OSMR: variants seen among roughly 807,000 people sequenced by gnomAD.
OSMR encodes oncostatin-M-specific receptor subunit beta.
Under a neutral mutation model 99.9 loss-of-function variants are expected in OSMR, and 81 were observed. The ratio of observed to expected loss-of-function variants is 0.81; its 90% CI spans 0.68 to 0.97. The LOEUF is 0.97. Among genes scored for constraint, OSMR ranks in the 50% least tolerant of loss-of-function variants. The pLI, the probability that OSMR is intolerant of heterozygous loss-of-function variation, is 0.00. For missense variants in OSMR, 1,099 were observed against 1,153.4 expected (o/e 0.95, Z 0.68); for synonymous variants, 406 against 410.4 (o/e 0.99, Z 0.13).
At position 38,944,945 on chromosome 5, in the gene OSMR, G is replaced by A. The variant is rs746454256; in HGVS notation, c.*87-1G>A. On this transcript the variant is annotated splice_acceptor_variant and NMD_transcript_variant, in intron 2 of 2. Transcript: ENST00000508882. Reference sequence around the variant, plus strand: ...CAATTCTGTGCTTTTGGTGCTGCTAGCTGAGCCTTCTTGAGACACCCCATC... The same window carrying A: ...CAATTCTGTGCTTTTGGTGCTGCTAACTGAGCCTTCTTGAGACACCCCATC... 8 of 1,613,870 alleles carry A rather than the reference G, an allele frequency of 5.0e-6. No homozygotes were observed. In the South Asian group the frequency reaches 8.8e-5, roughly 18 times the overall value.
In OSMR at chr5:38,879,813, G is replaced by A. The variant is rs143179491; in HGVS notation, c.247-1780G>A. Among the ~76,000 whole-genome samples the A allele has an allele frequency of 8.6e-3, 1,308 of 152,076 alleles. 26 individuals are homozygous for A. Among genetic ancestry groups the A allele is most frequent in the African/African-American group, 0.028 (1,160 of 41,462 alleles). On this transcript the variant is annotated intron_variant, in intron 3 of 17. Coordinates refer to ENST00000274276, the MANE Select transcript of OSMR (RefSeq NM_003999.3). ...TAATTTTTGTATTTTTAGTAGAAAT[G>A]GGGTTTCACCATGTTGGTCAGACCG...
intron 2 of OSMR, among the ~76,000 whole-genome samples, chr5:38,873,632 C>T (rs1742561984): frequency 6.6e-6 from 1 of 152,158 alleles, no homozygotes; most frequent in African/African-American, 2.4e-5. Flanking sequence ...TTCTCCACAT[C>T]CTCGCCAACA....
At chr5:38,862,403 G>A (rs1175038544) in intron 1 of OSMR, among the ~76,000 whole-genome samples, 2 of 3,410 alleles carry the variant, frequency 5.9e-4, no homozygotes, top group Non-Finnish European at 1.2e-3. Context: ...GGATGGGGCG[G>A]CTGGCCGGGC....
intron 15 of OSMR, among the ~76,000 whole-genome samples, chr5:38,930,903 G>C (rs1010150349): frequency 2.0e-5 from 3 of 150,484 alleles, no homozygotes; most frequent in African/African-American, 7.4e-5. Flanking sequence ...ATGGGAAGAT[G>C]CCCTTGCAGA....
intron 5 of OSMR, chr5:38,885,146 C>G: frequency 2.0e-6 from 2 of 982,002 alleles, no homozygotes; most frequent in South Asian, 4.7e-5. Context: ...CAGAAAATCA[C>G]AAGGGCAGGA....
At chr5:38,922,301 G>A (rs73751811) in intron 12 of OSMR, among the ~76,000 whole-genome samples, 1,790 of 152,136 alleles carry the variant, frequency 0.012, 45 homozygotes, top group African/African-American at 0.04. Context: ...GGTGGGTGGC[G>A]CCATCTACTG....
chr5:38,884,734 A>T (rs536804853), intron 5 of OSMR, among the ~76,000 whole-genome samples: 5 of 152,210 alleles, frequency 3.3e-5, no homozygotes, highest in Admixed American at 6.5e-5. Flanking sequence ...GAGTGGGAAC[A>T]TTTTTTTATA....
downstream of OSMR, chr5:38,940,045 A>G (rs182059161): frequency 8.6e-5 from 19 of 221,578 alleles, no homozygotes; most frequent in Admixed American, 4.1e-4. Context: ...GTATACTGAT[A>G]ACCACAAAGC....
chr5:38,917,115 T>A (rs113378), intron 9 of OSMR, among the ~76,000 whole-genome samples: 3 of 151,940 alleles, frequency 2.0e-5, no homozygotes, highest in African/African-American at 4.8e-5. Context: ...ATCATGAAAC[T>A]TGAGGAAGAA....
intron 15 of OSMR, among the ~76,000 whole-genome samples, chr5:38,928,131 A>T (rs1746553431): frequency 6.6e-6 from 1 of 151,430 alleles, no homozygotes; most frequent in Admixed American, 6.6e-5. Flanking sequence ...AGCCTCTAGG[A>T]AGTTCCAAAC....
At chr5:38,923,717 C>T (rs555065886) in intron 13 of OSMR, among the ~76,000 whole-genome samples, 156 of 152,276 alleles carry the variant, frequency 1.0e-3, no homozygotes, top group African/African-American at 3.4e-3. Context: ...CATGGGGTTG[C>T]TTATTCCCCT....
At chr5:38,855,752 C>T (rs1740788765) in intron 1 of OSMR, among the ~76,000 whole-genome samples, 1 of 141,724 alleles carries the variant, frequency 7.1e-6, no homozygotes, top group Non-Finnish European at 1.5e-5. Flanking sequence ...TCACTGTTGT[C>T]CCTCACTTCA....
chr5:38,869,119 T>C lies in OSMR; in HGVS notation c.73+2T>C. 6.2e-7 allele frequency: 1 copy of C among 1,603,688 alleles called. No individual in the cohort carries two copies. ...CCTTGAGGACTTACCAGAGTGAAGG[T>C]AAGAAGTGGAAGGAACAGTAAAGAC... On this transcript the variant is annotated splice_donor_variant, in intron 2 of 17. Coordinates refer to ENST00000274276, the MANE Select transcript of OSMR (RefSeq NM_003999.3). LOFTEE classifies it high-confidence loss of function.
intron 3 of OSMR, among the ~76,000 whole-genome samples, chr5:38,878,881 G>A (rs1215274683): frequency 3.3e-5 from 5 of 152,192 alleles, no homozygotes; most frequent in African/African-American, 1.2e-4. Context: ...AGTGTCTGGG[G>A]GAAATACAAC....
intron 9 of OSMR, among the ~76,000 whole-genome samples, chr5:38,909,584 T>TGGTTGGA (rs1266902677): frequency 5.9e-5 from 9 of 152,200 alleles, no homozygotes; most frequent in Admixed American, 3.3e-4. Flanking sequence ...TACTGAACAT[T>TGGTTGGA]CTTAAAAGAA....
chr5:38,933,430 G>T lies in OSMR; in HGVS notation c.2926G>T (p.Glu976Ter). ...CTCAATTACCCTTTTAGATCCAGGT[G>T]AACACTACTGCTAACCAGCATGCCG... is the stretch of plus-strand genomic sequence containing the variant. ...LSSITLLDPG[E>*]HYC Residue 976 changes from glutamate to a stop codon, truncating the protein, a stop_gained, in exon 18 of 18, where the codon GAA becomes TAA. Coordinates refer to ENST00000274276, the MANE Select transcript of OSMR (RefSeq NM_003999.3). LOFTEE classifies it high-confidence loss of function. The T allele has an allele frequency of 1.2e-6, 2 of 1,614,034 alleles. No homozygotes were observed. Among genetic ancestry groups the T allele is most frequent in the South Asian group, 1.1e-5 (1 of 91,052 alleles).
intron 11 of OSMR, among the ~76,000 whole-genome samples, chr5:38,920,967 A>T (rs1343059660): frequency 1.3e-5 from 2 of 152,142 alleles, no homozygotes; most frequent in Non-Finnish European, 2.9e-5. Flanking sequence ...TATATACCTG[A>T]ATATTTTCTT....
intron 9 of OSMR, among the ~76,000 whole-genome samples, chr5:38,911,035 A>G (rs1745544756): frequency 2.0e-5 from 3 of 152,196 alleles, no homozygotes. Flanking sequence ...TCAAAGAAGT[A>G]GAGAAACAAG....
intron 1 of OSMR, among the ~76,000 whole-genome samples, chr5:38,863,032 C>T (rs990624544): frequency 8.6e-5 from 13 of 151,860 alleles, no homozygotes; most frequent in African/African-American, 1.2e-4. Flanking sequence ...GGCGTGGCGG[C>T]GTGCGCCTGC....
Sources: gnomAD v4.1 joint callset for allele counts (sites outside exome capture counted in the v4.1 genomes callset) on GRCh38, gnomAD v4.1.1 for gene constraint, MANE v1.5 for transcripts, NCBI Gene and HGNC (gene_info 2026-07-23, HGNC 2026-07-21) for gene names.